The following PHLDB1 variants were observed in gnomAD, a reference collection of about 807,000 sequenced individuals.
PHLDB1 encodes the protein pleckstrin homology-like domain family B member 1.
Under a neutral mutation model 139.3 loss-of-function variants are expected in PHLDB1, and 65 were observed. The ratio of observed to expected loss-of-function variants is 0.47; its 90% CI spans 0.38 to 0.57. PHLDB1 has a LOEUF of 0.57. Among genes scored for constraint, PHLDB1 ranks in the 20% least tolerant of loss-of-function variants. The pLI is 0.00. For synonymous variants in PHLDB1, 679 were observed against 734.5 expected, an observed-to-expected ratio of 0.92 and a Z score of 1.22; for missense variants, 1,624 against 1,839.7, an observed-to-expected ratio of 0.88 and a Z score of 2.14.
Position 118,638,958 on chromosome 11 carries a change from G to T in PHLDB1, c.2603G>T (p.Arg868Leu), listed in dbSNP as rs2298484. The T allele has an allele frequency of 1.2e-6, 2 of 1,613,790 alleles. No individual in the cohort carries two copies. The highest frequency in any genetic ancestry group is 1.7e-5 in the Admixed American group (1 of 59,974). Residue 868 changes from arginine (R) to leucine (L), a missense_variant, in exon 11 of 23, where the codon CGC (arginine) becomes CTC (leucine). Coordinates refer to ENST00000600882, the MANE Select transcript of PHLDB1 (RefSeq NM_001144758.3). ...GCTCAGGCCGTGCAGGAATCAGAAC[G>T]CCTGGCCCGGGACAAGAATGCCTCC... ...IRAQAVQESERLARDKNASLQ... is the reference protein window; with the variant it reads ...IRAQAVQESELLARDKNASLQ...
chr11:118,635,231 A>C (rs1251023228), intron 9 of PHLDB1, 162 bp from the exon 10 acceptor site: 1 of 854,664 alleles, frequency 1.2e-6, no homozygotes, highest in Non-Finnish European at 1.9e-6. Flanking sequence ...TGATGCCCGC[A>C]AAAGGGCAAG....
intron 17 of PHLDB1, 90 bp from the exon 18 acceptor site, chr11:118,647,840 G>A (rs1353288790): frequency 1.4e-6 from 2 of 1,389,484 alleles, no homozygotes; most frequent in African/African-American, 1.4e-5. Context: ...CCCTGAGGTG[G>A]ATTCCTCCTG....
At chr11:118,649,352 G>C (rs1403062535) in intron 18 of PHLDB1, among the ~76,000 whole-genome samples, 8 of 152,080 alleles carry the variant, frequency 5.3e-5, no homozygotes, top group African/African-American at 1.7e-4. Flanking sequence ...TAAAATGCTT[G>C]GCTTCCCTTT....
intron 9 of PHLDB1, chr11:118,634,938 GC>G (rs1161875307): frequency 4.4e-6 from 2 of 455,064 alleles, no homozygotes; most frequent in African/African-American, 4.0e-5. Context: ...GGCGGAGCTG[GC>G]CGCGGGACGG....
intron 20 of PHLDB1, chr11:118,652,202 GC>G (rs1479409128): frequency 1.1e-4 from 16 of 152,190 alleles, no homozygotes; most frequent in Non-Finnish European, 5.9e-5. Flanking sequence ...TCACCTGCTG[GC>G]CCCTCTAAGA....
At chr11:118,624,398 T>C (rs1943432666) in intron 4 of PHLDB1, 1 of 153,242 alleles carries the variant, frequency 6.5e-6, no homozygotes, top group Non-Finnish European at 1.5e-5. Flanking sequence ...CAGTGCTTTT[T>C]CTACTCTGTC....
intron 9 of PHLDB1, chr11:118,635,025 G>A (rs1288895588): frequency 4.1e-6 from 2 of 488,752 alleles, no homozygotes; most frequent in Admixed American, 4.6e-5. Flanking sequence ...GTCAGTGCGG[G>A]AACAGTTACA....
At chr11:118,629,852 C>T (rs1944482570) in intron 6 of PHLDB1, 1 of 391,180 alleles carries the variant, frequency 2.6e-6, no homozygotes, top group Non-Finnish European at 4.7e-6. Context: ...TTTCCCACCC[C>T]CATTCCCACA....
Position 118,631,924 on chromosome 11 carries a change from A to C in PHLDB1, c.2112A>C (p.Ala704=). 6.2e-7 allele frequency: 1 copy of C among 1,612,674 alleles called. No homozygotes were observed. The highest frequency in any genetic ancestry group is 8.5e-7 in the Non-Finnish European group (1 of 1,179,422). Residue 704 remains alanine, a synonymous_variant, in exon 8 of 23, where the codon GCA becomes GCC. Coordinates refer to ENST00000600882, the MANE Select transcript of PHLDB1 (RefSeq NM_001144758.3). The part of the protein sequence containing the change: ...TESTQQEHED[A]PSTKLQGEVL... ...TCCCTCCCCTCCAGCACGAAGATGC[A>C]CCTAGCACCAAGCTCCAGGGAGAGG...
rs1555084431 is a variant in PHLDB1, at chr11:118,611,984, A to G, written c.-21-1832A>G. 1.3e-5 allele frequency among the ~76,000 whole-genome samples: 2 copies of G among 152,056 alleles called. No homozygotes were observed. The highest frequency in any genetic ancestry group is 4.8e-5 in the African/African-American group (2 of 41,412). On this transcript the variant is annotated intron_variant, in intron 1 of 22. Transcript: ENST00000600882. The surrounding 1 kb of genome is among the most constrained non-coding windows in gnomAD (Gnocchi z 4.7). ...ACTATAACATCCACCCAATTTAAGT[A>G]TGCAATTAAAAGATTTTTAGTATAT... is the stretch of plus-strand genomic sequence containing the variant.
chr11:118,635,549 G>A lies in PHLDB1; in HGVS notation c.2535+1G>A. On this transcript the variant is annotated splice_donor_variant, in intron 10 of 22. Coordinates refer to ENST00000600882, the MANE Select transcript of PHLDB1 (RefSeq NM_001144758.3). LOFTEE classifies it high-confidence loss of function. ...GCTCCGCAGCATCGCCAAGAGGAAG[G>A]TGTGCCCCACCTCGTTCCCTGCTGC... 6.5e-7 allele frequency: 1 copy of A among 1,537,630 alleles called. No homozygotes were observed. The highest frequency in any genetic ancestry group is 8.7e-7 in the Non-Finnish European group (1 of 1,143,124).
In PHLDB1 at chr11:118,648,010, T is replaced by A; in HGVS notation, c.3588T>A (p.Ser1196Arg). 1.9e-6 allele frequency: 3 copies of A among 1,610,654 alleles called. No individual in the cohort carries two copies. The highest frequency in any genetic ancestry group is 2.5e-6 in the Non-Finnish European group (3 of 1,178,462). The change falls in exon 18 of 23, where the codon AGT (serine) becomes AGA (arginine). Residue 1196 changes from serine to arginine, a missense_variant. Ser to Arg is a moderately radical substitution (Grantham distance 110, BLOSUM62 -1). Transcript: ENST00000600882. ...AGCAGGTAGAACGGAGGCTGCAGAG[T>A]GAGAGTGCCCGGAGGCAGCAGCTGG... Reference protein sequence around the residue: ...RREQVERRLQSESARRQQLVE... With the variant: ...RREQVERRLQRESARRQQLVE...
chr11:118,632,423 C>A lies in PHLDB1; in HGVS notation c.2379+127C>A. 1.0e-6 allele frequency: 1 copy of A among 963,720 alleles called. No individual in the cohort carries two copies. The highest frequency in any genetic ancestry group is 1.6e-5 in the South Asian group (1 of 62,180). The allele number at this position is 963,720 out of a possible 1,614,324, so 59.7% of individuals were successfully genotyped here. On this transcript the variant is annotated intron_variant, in intron 9 of 22. Coordinates refer to ENST00000600882, the MANE Select transcript of PHLDB1 (RefSeq NM_001144758.3). This position sits in a 1 kb window ranked among gnomAD's most constrained non-coding sequence, Gnocchi z 5.9. ...TCTGCAGTACAAGTGGTCTCTGTGG[C>A]TTTCCAGAGACAGAGTGACTTCTCC... is the stretch of plus-strand genomic sequence containing the variant.
chr11:118,629,612 A>C (rs1459248975), intron 6 of PHLDB1, among the ~76,000 whole-genome samples: 2 of 152,124 alleles, frequency 1.3e-5, no homozygotes, highest in African/African-American at 4.8e-5. Flanking sequence ...CTTTTGGAAG[A>C]GGTTGGGACA....
At chr11:118,643,294 G>T (rs184356047) in intron 13 of PHLDB1, among the ~76,000 whole-genome samples, 34 of 152,234 alleles carry the variant, frequency 2.2e-4, no homozygotes, top group Non-Finnish European at 4.1e-4. Context: ...AAGTAGCAGA[G>T]CTTATGCCAC....
At position 118,608,097 on chromosome 11, in the gene PHLDB1, C is replaced by T. The variant is rs540372790; in HGVS notation, c.-22+398C>T. On this transcript the variant is annotated intron_variant, in intron 1 of 22. Transcript: ENST00000600882. This position sits in a 1 kb window ranked among gnomAD's most constrained non-coding sequence, Gnocchi z 6.7. ...GTTTTCGTCCTCCAGCGCCCCACAC[C>T]TCCCCCTCTCCGCCCACAGCAGGAC... Among the ~76,000 whole-genome samples, 455 of 152,158 alleles carry T rather than the reference C, an allele frequency of 3.0e-3. 9 individuals are homozygous for T. The highest frequency in any genetic ancestry group is 0.029 in the Admixed American group (444 of 15,304).
At position 118,627,448 on chromosome 11, in the gene PHLDB1, C is replaced by A; in HGVS notation, c.625C>A (p.Pro209Thr). Residue 209 changes from proline (P) to threonine (T), a missense_variant, in exon 6 of 23, where the codon CCT becomes ACT. Transcript: ENST00000600882. Reference protein sequence around the residue: ...EIMDSLVLEEPGAAGKKPAAT... With the variant: ...EIMDSLVLEETGAAGKKPAAT... The stretch of plus-strand genomic sequence containing the variant: ...CATGGACTCACTGGTGCTAGAGGAG[C>A]CTGGAGCTGCTGGCAAGAAGCCTGC... The A allele has an allele frequency of 6.2e-7, 1 of 1,614,168 alleles. No individual in the cohort carries two copies. The highest frequency in any genetic ancestry group is 8.5e-7 in the Non-Finnish European group (1 of 1,180,016).
At chr11:118,641,601 G>A in intron 12 of PHLDB1, 1 of 1,271,854 alleles carries the variant, frequency 7.9e-7, no homozygotes, top group South Asian at 1.3e-5. Context: ...CCTGCGTCTG[G>A]CCTTGCTCCA....
chr11:118,631,466 G>A lies in PHLDB1; in HGVS notation c.2087G>A (p.Ser696Asn), dbSNP rs782616268. ...AAGGAGGAGTGCAGCAGCACTGAGA[G>A]CACCCAGCAGGAGGTGAGATGGAGG... ...NLKEECSSTESTQQEHEDAPS... is the reference protein window; with the variant it reads ...NLKEECSSTENTQQEHEDAPS... Residue 696 changes from serine (S) to asparagine (N), a missense_variant, in exon 7 of 23, where the codon AGC (serine) becomes AAC (asparagine). Ser to Asn is a conservative substitution (Grantham distance 46, BLOSUM62 1). Coordinates refer to ENST00000600882, the MANE Select transcript of PHLDB1 (RefSeq NM_001144758.3). 9.8e-6 allele frequency: 14 copies of A among 1,427,166 alleles called. No homozygotes were observed. The highest frequency in any genetic ancestry group is 1.2e-5 in the Non-Finnish European group (13 of 1,093,526). 88.4% of individuals were successfully genotyped at this position (1,427,166 alleles called of 1,614,324 possible). A position where few individuals can be genotyped will look rare whatever the true frequency, so the allele number is the denominator to read the frequency against.
Sources: allele counts gnomAD v4.1 joint callset (sites outside exome capture counted in the v4.1 genomes callset), GRCh38; gene constraint gnomAD v4.1.1; non-coding constraint Gnocchi (gnomAD v3.1); transcripts MANE v1.5; gene names NCBI Gene and HGNC (gene_info 2026-07-23, HGNC 2026-07-21).